Variants in GALNT18 observed in about 807,000 individuals in gnomAD.
GALNT18 encodes the protein polypeptide N-acetylgalactosaminyltransferase 18.
A neutral mutation model predicts 69.5 loss-of-function variants in GALNT18; 44 were observed. That is an observed-to-expected ratio of 0.63 (90% CI 0.50 to 0.81). The LOEUF is 0.81. Ranked by LOEUF, GALNT18 falls within the 40% of genes least tolerant of loss-of-function variation. The probability of loss-of-function intolerance (pLI) is 0.00; values close to 1 mark genes in which losing one functional copy is unlikely to be tolerated. For synonymous variants in GALNT18, 364 were observed against 318.2 expected (o/e 1.14, Z -1.53); for missense variants, 715 against 810.0 (o/e 0.88, Z 1.42).
intron 3 of GALNT18, among the ~76,000 whole-genome samples, chr11:11,409,925 C>T (rs1854689089): frequency 6.6e-6 from 1 of 152,190 alleles, no homozygotes; most frequent in South Asian, 2.1e-4. Context: ...CATAGCTAAA[C>T]CTTAAACTCC....
At chr11:11,299,424 G>T (rs4909981) in intron 9 of GALNT18, among the ~76,000 whole-genome samples, 36,917 of 151,992 alleles carry the variant, frequency 0.24, 5,403 homozygotes, top group Middle Eastern at 0.38. Flanking sequence ...GGGATTACAG[G>T]CACAGCCACT....
intron 1 of GALNT18, among the ~76,000 whole-genome samples, chr11:11,484,773 A>G (rs1856609191): frequency 1.3e-5 from 2 of 152,188 alleles, no homozygotes; most frequent in Non-Finnish European, 2.9e-5. Context: ...GGGGGACCTT[A>G]GCAGCCCTGC....
At chr11:11,360,174 G>A (rs956480948) in intron 6 of GALNT18, among the ~76,000 whole-genome samples, 8 of 152,114 alleles carry the variant, frequency 5.3e-5, no homozygotes, top group Non-Finnish European at 1.0e-4. Context: ...AATCTCAGAC[G>A]TCCCAGACCT....
At chr11:11,277,443 A>G (rs35554335) in intron 10 of GALNT18, among the ~76,000 whole-genome samples, 53,163 of 151,858 alleles carry the variant, frequency 0.35, 10,361 homozygotes, top group Non-Finnish European at 0.45. Context: ...GATCTTTTCA[A>G]AAAACCAGCC....
intron 1 of GALNT18, among the ~76,000 whole-genome samples, chr11:11,561,782 A>G (rs11021931): frequency 0.33 from 50,213 of 152,068 alleles, 9,015 homozygotes; most frequent in East Asian, 0.47. Flanking sequence ...GGAGTGGCCC[A>G]TTGGGCAGAG....
intron 6 of GALNT18, among the ~76,000 whole-genome samples, chr11:11,362,017 C>G (rs757658584): frequency 3.3e-5 from 5 of 152,100 alleles, no homozygotes; most frequent in Non-Finnish European, 7.4e-5. Flanking sequence ...AATCCAGAAA[C>G]AGACCCAAAA....
At chr11:11,276,497 C>T (rs1414988409) in intron 10 of GALNT18, among the ~76,000 whole-genome samples, 1 of 152,166 alleles carries the variant, frequency 6.6e-6, no homozygotes, top group African/African-American at 2.4e-5. Flanking sequence ...GACTTCCTCT[C>T]TCTCTTCCTA....
chr11:11,568,589 G>A (rs1013095391), intron 1 of GALNT18, among the ~76,000 whole-genome samples: 5 of 152,102 alleles, frequency 3.3e-5, no homozygotes, highest in African/African-American at 4.8e-5. Flanking sequence ...CTCTCCTGGG[G>A]AGGCTCCACA....
Position 11,616,905 on chromosome 11 carries a change from GT to G in GALNT18, c.235+4453del, listed in dbSNP as rs753716025. 2.6e-5 allele frequency among the ~76,000 whole-genome samples: 4 copies of G among 152,220 alleles called. No individual in the cohort carries two copies. Among genetic ancestry groups the G allele is most frequent in the Admixed American group, 2.0e-4 (3 of 15,284 alleles). On this transcript the variant is annotated intron_variant, in intron 1 of 10. Transcript: ENST00000227756. The surrounding 1 kb of genome is among the most constrained non-coding windows in gnomAD (Gnocchi z 4.4). ...TTTAAGTTCTAAGTGCTTTGCAAAG[GT>G]TTTATAAACGGTAGTCAGTTAAAGA...
chr11:11,395,669 C>T (rs2133725014), intron 3 of GALNT18, among the ~76,000 whole-genome samples: 1 of 152,280 alleles, frequency 6.6e-6, no homozygotes, highest in East Asian at 1.9e-4. Flanking sequence ...AGGTATCTCC[C>T]TGCAGAGCGG....
Position 11,379,244 on chromosome 11 carries a change from TC to T in GALNT18, c.615del (p.Thr206ProfsTer7). On this transcript the variant is annotated frameshift_variant, in exon 4 of 11. Coordinates refer to ENST00000227756, the MANE Select transcript of GALNT18 (RefSeq NM_198516.3). LOFTEE classifies it high-confidence loss of function. Reference sequence around the variant, plus strand: ...CTGTTCACCTTGTCCACATATTCGGTCAGCTTCTCCTTCAGTTCCTCTGTCA... The same window carrying T: ...CTGTTCACCTTGTCCACATATTCGGTAGCTTCTCCTTCAGTTCCTCTGTCA... Reference protein sequence around the residue: ...NSSNEELKEKLTEYVDKVNSQ... With the variant: ...NSSNEELKEKXTEYVDKVNSQ... 1 of 1,612,882 alleles carries T rather than the reference TC, an allele frequency of 6.2e-7. No homozygotes were observed. Among genetic ancestry groups the T allele is most frequent in the Non-Finnish European group, 8.5e-7 (1 of 1,179,794 alleles).
chr11:11,582,011 A>G lies in GALNT18; in HGVS notation c.235+39348T>C, dbSNP rs1199946125. ...TGGAAGAGAAAGACAACAAATGAGT[A>G]ATCTAGTATTTCCTAGTATACATGA... On this transcript the variant is annotated intron_variant, in intron 1 of 10. Transcript: ENST00000227756. The surrounding 1 kb of genome is among the most constrained non-coding windows in gnomAD (Gnocchi z 5.0). Among the ~76,000 whole-genome samples the G allele has an allele frequency of 6.6e-6, 1 of 152,048 alleles. No homozygotes were observed. The highest frequency in any genetic ancestry group is 2.1e-4 in the South Asian group (1 of 4,814).
chr11:11,284,261 T>A, intron 10 of GALNT18, among the ~76,000 whole-genome samples: 1 of 152,336 alleles, frequency 6.6e-6, no homozygotes, highest in South Asian at 2.1e-4. Flanking sequence ...CCCAAGTGTG[T>A]CTGTGGTGCC....
At chr11:11,477,842 G>A (rs1376937498) in intron 1 of GALNT18, among the ~76,000 whole-genome samples, 3 of 152,182 alleles carry the variant, frequency 2.0e-5, no homozygotes, top group African/African-American at 7.2e-5. Flanking sequence ...CACCCCAGGA[G>A]TCTTGTTTAT....
intron 3 of GALNT18, among the ~76,000 whole-genome samples, chr11:11,381,979 T>C (rs544507851): frequency 2.0e-5 from 3 of 152,194 alleles, no homozygotes; most frequent in Non-Finnish European, 2.9e-5. Flanking sequence ...GATTGTGAAC[T>C]CCTGATGCAC....
At chr11:11,532,443 G>A (rs1035833870) in intron 1 of GALNT18, among the ~76,000 whole-genome samples, 1 of 152,156 alleles carries the variant, frequency 6.6e-6, no homozygotes, top group African/African-American at 2.4e-5. Context: ...CCAAGCCCTG[G>A]CCCTTTCCAC....
intron 1 of GALNT18, among the ~76,000 whole-genome samples, chr11:11,462,943 G>A (rs1856077672): frequency 6.6e-6 from 1 of 152,172 alleles, no homozygotes; most frequent in Admixed American, 6.5e-5. Context: ...CAGAGCCTGA[G>A]CCCTGGGCAC....
At chr11:11,348,436 C>T (rs1016867641) in intron 6 of GALNT18, among the ~76,000 whole-genome samples, 5 of 147,344 alleles carry the variant, frequency 3.4e-5, no homozygotes, top group Admixed American at 6.8e-5. Context: ...AAGGCCAACA[C>T]AAAAGCCAGA....
intron 9 of GALNT18, among the ~76,000 whole-genome samples, chr11:11,301,601 G>T (rs1380882262): frequency 6.6e-6 from 1 of 152,236 alleles, no homozygotes; most frequent in Non-Finnish European, 1.5e-5. Context: ...CTAGCTCAGG[G>T]CTTCCTCTGT....
Sources: gnomAD v4.1 joint callset for allele counts (sites outside exome capture counted in the v4.1 genomes callset) on GRCh38, gnomAD v4.1.1 for gene constraint, Gnocchi (gnomAD v3.1) non-coding constraint, MANE v1.5 for transcripts, NCBI Gene and HGNC (gene_info 2026-07-23, HGNC 2026-07-21) for gene names.